The following KHDRBS2 variants were observed in gnomAD, a reference collection of about 807,000 sequenced individuals.
KHDRBS2 encodes the protein KH domain-containing, RNA-binding, signal transduction-associated protein 2.
Under a neutral mutation model 44.3 loss-of-function variants are expected in KHDRBS2, and 26 were observed. The ratio of observed to expected loss-of-function variants is 0.59; its 90% CI spans 0.43 to 0.81. The LOEUF is 0.81. Among genes scored for constraint, KHDRBS2 ranks in the 40% least tolerant of loss-of-function variants. The pLI, the probability that KHDRBS2 is intolerant of heterozygous loss-of-function variation, is 0.00. For synonymous variants in KHDRBS2, 194 were observed against 151.1 expected, an observed-to-expected ratio of 1.28 and a Z score of -2.08; for missense variants, 476 against 433.1, an observed-to-expected ratio of 1.10 and a Z score of -0.88.
intron 3 of KHDRBS2, among the ~76,000 whole-genome samples, chr6:61,988,026 G>C (rs1054536739): frequency 1.7e-4 from 26 of 152,164 alleles, no homozygotes; most frequent in African/African-American, 4.6e-4. Context: ...AGTAGCCCAG[G>C]ATTCTGAACA....
intron 2 of KHDRBS2, among the ~76,000 whole-genome samples, chr6:62,073,663 T>C (rs190421410): frequency 6.6e-6 from 1 of 151,670 alleles, no homozygotes; most frequent in African/African-American, 2.4e-5. Flanking sequence ...ATGTGAGAAC[T>C]TCCTTCTTTT....
the KHDRBS2 span, among the ~76,000 whole-genome samples, chr6:61,596,942 G>T: frequency 1.3e-5 from 2 of 152,052 alleles, no homozygotes; most frequent in Non-Finnish European, 2.9e-5. Flanking sequence ...GAGCCACCGT[G>T]CCCAGCCACA....
At chr6:62,096,513 T>C (rs925113363) in intron 2 of KHDRBS2, among the ~76,000 whole-genome samples, 13 of 152,014 alleles carry the variant, frequency 8.6e-5, no homozygotes, top group South Asian at 6.2e-4. Context: ...GGGGGTATAA[T>C]TGTTCACAAT....
intron 6 of KHDRBS2, among the ~76,000 whole-genome samples, chr6:61,862,247 C>A (rs1797092192): frequency 6.6e-6 from 1 of 151,686 alleles, no homozygotes; most frequent in Admixed American, 6.6e-5. Context: ...TTCCTCTAAT[C>A]TTATTGTCAT....
chr6:61,695,218 T>C (rs1444378743), intron 8 of KHDRBS2, among the ~76,000 whole-genome samples: 3 of 109,336 alleles, frequency 2.7e-5, no homozygotes, highest in African/African-American at 8.9e-5. Flanking sequence ...TCCCACCTCC[T>C]GACAAAACAA....
chr6:61,556,038 G>A, the KHDRBS2 span, among the ~76,000 whole-genome samples: 2 of 152,204 alleles, frequency 1.3e-5, no homozygotes, highest in Non-Finnish European at 1.5e-5. Context: ...ATGAGTTCTT[G>A]TCACCTGGGG....
chr6:61,551,018 C>A, the KHDRBS2 span, among the ~76,000 whole-genome samples: 1 of 152,108 alleles, frequency 6.6e-6, no homozygotes, highest in African/African-American at 2.4e-5. Context: ...GAGTGATATG[C>A]CTATTGCGGC....
At chr6:61,744,589 A>G (rs776515264) in intron 6 of KHDRBS2, among the ~76,000 whole-genome samples, 53 of 152,136 alleles carry the variant, frequency 3.5e-4, no homozygotes, top group Non-Finnish European at 3.4e-4. Flanking sequence ...GGAGTCCTTC[A>G]AAAGTGATTT....
At chr6:61,559,282 T>A in the KHDRBS2 span, among the ~76,000 whole-genome samples, 1 of 152,076 alleles carries the variant, frequency 6.6e-6, no homozygotes, top group Non-Finnish European at 1.5e-5. Flanking sequence ...TTTCCATCCT[T>A]TTCTTACCAG....
At chr6:61,776,577 A>G (rs191100563) in intron 6 of KHDRBS2, among the ~76,000 whole-genome samples, 13 of 152,298 alleles carry the variant, frequency 8.5e-5, no homozygotes, top group Non-Finnish European at 1.5e-4. Context: ...GCAAATCAAA[A>G]CCATAATGAG....
the KHDRBS2 span, among the ~76,000 whole-genome samples, chr6:61,591,652 G>A: frequency 6.6e-6 from 1 of 152,010 alleles, no homozygotes; most frequent in African/African-American, 2.4e-5. Flanking sequence ...ACCAGATCAG[G>A]GTCCACAGAA....
chr6:62,244,460 G>C (rs554116211), intron 1 of KHDRBS2, among the ~76,000 whole-genome samples: 1 of 152,102 alleles, frequency 6.6e-6, no homozygotes, highest in Non-Finnish European at 1.5e-5. Flanking sequence ...TGAGAGAAGA[G>C]TAACAAGTGT....
intron 6 of KHDRBS2, among the ~76,000 whole-genome samples, chr6:61,828,315 A>G (rs1234230340): frequency 6.6e-6 from 1 of 152,208 alleles, no homozygotes; most frequent in Non-Finnish European, 1.5e-5. Flanking sequence ...GATAAAGTCT[A>G]TAAAGAAAAG....
intron 2 of KHDRBS2, among the ~76,000 whole-genome samples, chr6:62,131,639 T>C (rs546392956): frequency 6.6e-6 from 1 of 152,300 alleles, no homozygotes; most frequent in African/African-American, 2.4e-5. Flanking sequence ...CCCCTTACTT[T>C]CCATTCTCTT....
chr6:62,236,936 T>C (rs1243921000), intron 1 of KHDRBS2, among the ~76,000 whole-genome samples: 3 of 152,202 alleles, frequency 2.0e-5, no homozygotes, highest in African/African-American at 7.2e-5. Flanking sequence ...AGAACAATTT[T>C]AGAAGTTTCA....
chr6:61,550,958 G>T, the KHDRBS2 span, among the ~76,000 whole-genome samples: 1 of 151,712 alleles, frequency 6.6e-6, no homozygotes, highest in Non-Finnish European at 1.5e-5. Context: ...TTTTTTGGTG[G>T]AGATGGGGTT....
chr6:62,156,359 C>G lies in KHDRBS2; in HGVS notation c.219+20826G>C, dbSNP rs183067197. 6.3e-4 allele frequency among the ~76,000 whole-genome samples: 96 copies of G among 152,154 alleles called. 1 individual carries two copies. The highest frequency in any genetic ancestry group is 2.2e-3 in the African/African-American group (93 of 41,510). ...CAATTTCAGAGAGAATTTTTGAAGA[C>G]TACATTAAATCTTACAATAAAGCAT... On this transcript the variant is annotated intron_variant, in intron 2 of 8. Transcript: ENST00000281156.
chr6:61,963,680 C>T (rs533309597), intron 4 of KHDRBS2, among the ~76,000 whole-genome samples: 4 of 152,004 alleles, frequency 2.6e-5, no homozygotes, highest in African/African-American at 9.7e-5. Flanking sequence ...CTAACCCAAT[C>T]TAAATTAAGG....
At chr6:62,240,984 A>T (rs1834566566) in intron 1 of KHDRBS2, among the ~76,000 whole-genome samples, 1 of 151,972 alleles carries the variant, frequency 6.6e-6, no homozygotes, top group African/African-American at 2.4e-5. Context: ...ATTTCCAAAG[A>T]TAATTAGATC....
Sources: gnomAD v4.1 joint callset for allele counts (sites outside exome capture counted in the v4.1 genomes callset) on GRCh38, gnomAD v4.1.1 for gene constraint, MANE v1.5 for transcripts, NCBI Gene and HGNC (gene_info 2026-07-23, HGNC 2026-07-21) for gene names.